The following IL1RAPL2 variants were observed in gnomAD, a reference collection of about 807,000 sequenced individuals.
The protein encoded by IL1RAPL2 is X-linked interleukin-1 receptor accessory protein-like 2.
In IL1RAPL2, 3 loss-of-function variants were observed where a neutral mutation model predicts 44.1. The ratio of observed to expected loss-of-function variants is 0.07; its 90% confidence interval spans 0.03 to 0.18. The LOEUF is 0.18. IL1RAPL2 is among the 10% of genes least tolerant of loss of function. The pLI is 1.00. For synonymous variants in IL1RAPL2, 181 were observed against 178.8 expected (o/e 1.01, Z -0.10); for missense variants, 391 against 496.4 (o/e 0.79, Z 2.02).
intron 2 of IL1RAPL2, among the ~76,000 whole-genome samples, chrX:104,731,655 G>T (rs763264396): frequency 9.0e-6 from 1 of 111,186 alleles, no homozygotes; most frequent in African/African-American, 3.3e-5. Flanking sequence ...CACCTGCCTC[G>T]GCCTCCCAAA....
chrX:105,167,007 A>G (rs762590797), intron 2 of IL1RAPL2, among the ~76,000 whole-genome samples: 8 of 112,084 alleles, frequency 7.1e-5, no homozygotes, highest in Admixed American at 6.6e-4. Context: ...AAATTATTAC[A>G]TTACTTTCAT....
chrX:105,094,501 A>ATGTG (rs200468589), intron 2 of IL1RAPL2, among the ~76,000 whole-genome samples: 2 of 111,320 alleles, frequency 1.8e-5, no homozygotes, highest in South Asian at 7.5e-4. Flanking sequence ...ATAAATGTGT[A>ATGTG]TGTGTGTGTG....
At chrX:104,775,180 G>A (rs906441724) in intron 2 of IL1RAPL2, among the ~76,000 whole-genome samples, 6 of 112,345 alleles carry the variant, frequency 5.3e-5, no homozygotes, top group Non-Finnish European at 9.4e-5. Flanking sequence ...TTAAAGCTAC[G>A]TTCCAACAGC....
At chrX:105,547,140 T>C (rs183217589) in intron 6 of IL1RAPL2, among the ~76,000 whole-genome samples, 1 of 112,460 alleles carries the variant, frequency 8.9e-6, no homozygotes, top group Admixed American at 9.4e-5. Flanking sequence ...AAATGTTATT[T>C]TGCTTGCTAG....
chrX:104,624,583 G>A (rs771634521), intron 1 of IL1RAPL2, among the ~76,000 whole-genome samples: 1 of 111,589 alleles, frequency 9.0e-6, no homozygotes, highest in African/African-American at 3.2e-5. Flanking sequence ...ATTGGTATTA[G>A]GTTTATTGGA....
At chrX:104,586,605 C>G (rs1334983963) in intron 1 of IL1RAPL2, among the ~76,000 whole-genome samples, 1 of 111,886 alleles carries the variant, frequency 8.9e-6, no homozygotes, top group Non-Finnish European at 1.9e-5. Context: ...TTATTTCCTG[C>G]AGTAGCCAGC....
chrX:105,597,662 A>G (rs2037221351), intron 6 of IL1RAPL2, among the ~76,000 whole-genome samples: 1 of 111,398 alleles, frequency 9.0e-6, no homozygotes. Flanking sequence ...ATGCTAAACC[A>G]TATATGAGAA....
chrX:104,568,886 C>G (rs769720849), intron 1 of IL1RAPL2, among the ~76,000 whole-genome samples: 1 of 111,817 alleles, frequency 8.9e-6, no homozygotes, highest in East Asian at 2.8e-4. Flanking sequence ...CTGCTGGACC[C>G]GATGCGGAGA....
At chrX:104,854,853 A>T (rs149029736) in intron 2 of IL1RAPL2, among the ~76,000 whole-genome samples, 284 of 111,700 alleles carry the variant, frequency 2.5e-3, no homozygotes, top group African/African-American at 8.6e-3. Context: ...TCACAAAACT[A>T]ATTTTCTGAC....
chrX:105,101,618 G>T (rs1246920872), intron 2 of IL1RAPL2, among the ~76,000 whole-genome samples: 2 of 110,993 alleles, frequency 1.8e-5, no homozygotes, highest in Admixed American at 9.6e-5. Flanking sequence ...ATATACGTAA[G>T]TGTATTTGTA....
intron 7 of IL1RAPL2, among the ~76,000 whole-genome samples, chrX:105,739,020 C>T (rs5962297): frequency 0.25 from 27,371 of 109,870 alleles, 4,808 homozygotes; most frequent in African/African-American, 0.63. Flanking sequence ...AAGCAGAGAG[C>T]AGGCTTCTCA....
chrX:104,830,694 G>A (rs953409809), intron 2 of IL1RAPL2, among the ~76,000 whole-genome samples: 3 of 111,671 alleles, frequency 2.7e-5, no homozygotes, highest in East Asian at 5.6e-4. Flanking sequence ...GGTGACCATC[G>A]TCAATTTACT....
chrX:105,371,760 C>A (rs955934215), intron 5 of IL1RAPL2, among the ~76,000 whole-genome samples: 4 of 112,246 alleles, frequency 3.6e-5, no homozygotes, highest in African/African-American at 1.3e-4. Flanking sequence ...TGAACACAAA[C>A]ACCATTTGTT....
intron 2 of IL1RAPL2, among the ~76,000 whole-genome samples, chrX:105,070,148 C>T (rs1036133692): frequency 5.4e-5 from 6 of 111,649 alleles, no homozygotes; most frequent in African/African-American, 2.0e-4. Context: ...TGCTACTCTG[C>T]CTCTGGCCCC....
chrX:104,754,733 T>A (rs1379499034), intron 2 of IL1RAPL2, among the ~76,000 whole-genome samples: 1 of 112,296 alleles, frequency 8.9e-6, no homozygotes, highest in Admixed American at 9.5e-5. Flanking sequence ...TTAGCACTTA[T>A]AATGTGTTTT....
intron 2 of IL1RAPL2, among the ~76,000 whole-genome samples, chrX:104,853,772 G>T (rs185173167): frequency 0.054 from 5,846 of 107,764 alleles, 426 homozygotes; most frequent in African/African-American, 0.19. Context: ...GCGTGGTAGC[G>T]GGCGCCTGTA....
intron 7 of IL1RAPL2, among the ~76,000 whole-genome samples, chrX:105,738,501 C>T (rs1334426691): frequency 9.0e-6 from 1 of 110,824 alleles, no homozygotes; most frequent in Non-Finnish European, 1.9e-5. Context: ...ACCAGGTGTC[C>T]AAAAAGAAGA....
At chrX:105,067,355 C>T (rs1482640691) in intron 2 of IL1RAPL2, among the ~76,000 whole-genome samples, 1 of 111,326 alleles carries the variant, frequency 9.0e-6, no homozygotes, top group East Asian at 2.9e-4. Flanking sequence ...TGAGCATCTG[C>T]ATTTTAAATG....
chrX:105,680,958 A>G (rs920176861), intron 6 of IL1RAPL2, among the ~76,000 whole-genome samples: 1 of 112,190 alleles, frequency 8.9e-6, no homozygotes, highest in Non-Finnish European at 1.9e-5. Context: ...AAGAATGGAT[A>G]GCCACGTAGA....
Sources: gnomAD v4.1 joint callset for allele counts (sites outside exome capture counted in the v4.1 genomes callset) on GRCh38, gnomAD v4.1.1 for gene constraint, MANE v1.5 for transcripts, NCBI Gene and HGNC (gene_info 2026-07-23, HGNC 2026-07-21) for gene names.